NBEA: variants seen among roughly 807,000 people sequenced by gnomAD.
NBEA encodes the protein neurobeachin.
NBEA carries 44 observed loss-of-function variants against 343.4 expected under a neutral mutation model. The ratio of observed to expected loss-of-function variants is 0.13; its 90% CI spans 0.10 to 0.16. The LOEUF is 0.16. NBEA is among the 10% of genes least tolerant of loss of function. NBEA has a pLI of 1.00. For missense variants in NBEA, 2,555 were observed against 3,631.3 expected (o/e 0.70, Z 7.62); for synonymous variants, 1,175 against 1,238.7 (o/e 0.95, Z 1.08).
intron 10 of NBEA, among the ~76,000 whole-genome samples, chr13:35,082,399 G>A (rs1289676872): frequency 1.3e-5 from 2 of 152,142 alleles, no homozygotes; most frequent in Non-Finnish European, 2.9e-5. Flanking sequence ...TGTCTTTATA[G>A]CAGTATGTTT....
intron 37 of NBEA, among the ~76,000 whole-genome samples, chr13:35,350,809 G>T (rs1377497714): frequency 6.8e-6 from 1 of 147,832 alleles, no homozygotes; most frequent in Non-Finnish European, 1.5e-5. Context: ...AATTGTAAAA[G>T]ATTTTACAAG....
At chr13:35,406,623 A>G (rs920246685) in intron 38 of NBEA, among the ~76,000 whole-genome samples, 3 of 152,094 alleles carry the variant, frequency 2.0e-5, no homozygotes, top group Non-Finnish European at 4.4e-5. Flanking sequence ...GTTTCAGTCA[A>G]ATCTTTTATG....
At chr13:35,638,524 A>T (rs140581215) in intron 49 of NBEA, among the ~76,000 whole-genome samples, 169 of 152,300 alleles carry the variant, frequency 1.1e-3, no homozygotes, top group African/African-American at 3.9e-3. Flanking sequence ...GAGCTCTGTC[A>T]TTGGCTGAAC....
At chr13:35,063,008 T>C (rs1484061799) in intron 8 of NBEA, among the ~76,000 whole-genome samples, 3 of 151,980 alleles carry the variant, frequency 2.0e-5, no homozygotes, top group African/African-American at 7.2e-5. Flanking sequence ...ATTGCATGTC[T>C]TTTCTTGAAT....
intron 1 of NBEA, among the ~76,000 whole-genome samples, chr13:34,950,809 C>A (rs2059327472): frequency 1.3e-5 from 2 of 152,106 alleles, no homozygotes; most frequent in Non-Finnish European, 2.9e-5. Flanking sequence ...AAATGACCAG[C>A]TGGTCATGGT....
At chr13:35,320,141 C>T (rs193250205) in intron 36 of NBEA, among the ~76,000 whole-genome samples, 80 of 152,182 alleles carry the variant, frequency 5.3e-4, no homozygotes, top group African/African-American at 1.3e-3. Context: ...GTCATTATGA[C>T]GCTAGCTGGT....
chr13:35,244,274 A>AAAATCAATATTTTTTTAT (rs2030832334), intron 34 of NBEA, among the ~76,000 whole-genome samples: 1 of 151,902 alleles, frequency 6.6e-6, no homozygotes, highest in East Asian at 1.9e-4. Flanking sequence ...ACCTTATAAA[A>AAAATCAATATTTTTTTAT]AAATCAATAT....
At chr13:35,570,912 G>GAAGC (rs1320150188) in intron 45 of NBEA, among the ~76,000 whole-genome samples, 2 of 152,156 alleles carry the variant, frequency 1.3e-5, no homozygotes, top group Non-Finnish European at 2.9e-5. Context: ...TGTCCACTAA[G>GAAGC]AAGCACATGA....
At chr13:35,009,123 A>G (rs568484352) in intron 1 of NBEA, among the ~76,000 whole-genome samples, 3 of 152,292 alleles carry the variant, frequency 2.0e-5, no homozygotes, top group African/African-American at 7.2e-5. Flanking sequence ...GAATTAGACT[A>G]TGTAAATATT....
At chr13:35,219,891 G>T (rs1021673734) in intron 33 of NBEA, among the ~76,000 whole-genome samples, 5 of 152,058 alleles carry the variant, frequency 3.3e-5, no homozygotes, top group Non-Finnish European at 5.9e-5. Flanking sequence ...ATGAAGGAGG[G>T]CAGTCTACCT....
intron 44 of NBEA, among the ~76,000 whole-genome samples, chr13:35,565,391 A>G (rs1184431959): frequency 6.6e-6 from 1 of 151,600 alleles, no homozygotes; most frequent in African/African-American, 2.4e-5. Context: ...TTTTTTTTCT[A>G]TTTCACAGTT....
intron 45 of NBEA, among the ~76,000 whole-genome samples, chr13:35,575,362 C>T (rs2080686742): frequency 6.6e-6 from 1 of 152,056 alleles, no homozygotes; most frequent in Non-Finnish European, 1.5e-5. Context: ...TTTAGAGAAA[C>T]AAATTTTCAA....
At chr13:35,334,541 A>G (rs1312176851) in intron 36 of NBEA, among the ~76,000 whole-genome samples, 1 of 152,214 alleles carries the variant, frequency 6.6e-6, no homozygotes, top group Non-Finnish European at 1.5e-5. Flanking sequence ...AAGTGCTGGG[A>G]TTACAGGCGT....
intron 58 of NBEA, 143 bp downstream of exon 58, chr13:35,668,662 G>A: frequency 2.6e-6 from 2 of 779,982 alleles, no homozygotes; most frequent in South Asian, 5.4e-5. Context: ...GAAAATGAGG[G>A]GAAGAGTAAG....
At chr13:35,057,095 A>G (rs2063296926) in intron 7 of NBEA, among the ~76,000 whole-genome samples, 1 of 152,120 alleles carries the variant, frequency 6.6e-6, no homozygotes, top group African/African-American at 2.4e-5. Context: ...GGCCTGTCAG[A>G]GCCAAAGTGA....
chr13:35,524,796 A>C (rs2077892275), intron 41 of NBEA, among the ~76,000 whole-genome samples: 1 of 152,214 alleles, frequency 6.6e-6, no homozygotes, highest in African/African-American at 2.4e-5. Context: ...ATAAAGGCTT[A>C]TTTACACAAT....
intron 1 of NBEA, among the ~76,000 whole-genome samples, chr13:34,966,062 T>C (rs1024201457): frequency 1.3e-5 from 2 of 152,060 alleles, no homozygotes; most frequent in Non-Finnish European, 2.9e-5. Context: ...AAAAAATGTT[T>C]ATTGGAAAAA....
chr13:35,656,485 C>T (rs1018321348), intron 55 of NBEA, among the ~76,000 whole-genome samples: 3 of 152,146 alleles, frequency 2.0e-5, no homozygotes, highest in Non-Finnish European at 4.4e-5. Flanking sequence ...TCCAATGAAA[C>T]TTTTATTTAT....
At chr13:35,652,468 G>C (rs563425596) in intron 53 of NBEA, among the ~76,000 whole-genome samples, 1 of 151,078 alleles carries the variant, frequency 6.6e-6, no homozygotes, top group African/African-American at 2.4e-5. Context: ...GTGAAACCCC[G>C]TCTCTACTAA....
Sources: allele counts gnomAD v4.1 joint callset (sites outside exome capture counted in the v4.1 genomes callset), GRCh38; gene constraint gnomAD v4.1.1; transcripts MANE v1.5; gene names NCBI Gene and HGNC (gene_info 2026-07-23, HGNC 2026-07-21).